POLK: variants seen among roughly 807,000 people sequenced by gnomAD.
The protein encoded by POLK is polymerase (DNA directed) kappa.
In POLK, 76 loss-of-function variants were observed where a neutral mutation model predicts 94.0. That is an observed-to-expected ratio of 0.81 (90% CI 0.67 to 0.98). POLK has a LOEUF of 0.98. POLK is among the 50% of genes least tolerant of loss of function. The pLI is 0.00. For missense variants in POLK, 954 were observed against 1,010.1 expected (o/e 0.94, Z 0.75); for synonymous variants, 349 against 325.4 (o/e 1.07, Z -0.78).
chr5:75,605,424 A>G (rs375210692), downstream of POLK, among the ~76,000 whole-genome samples: 1 of 152,146 alleles, frequency 6.6e-6, no homozygotes. Flanking sequence ...ATTGGAGACA[A>G]AAAGGAAAAA....
At chr5:75,518,721 C>A (rs755858304) in intron 1 of POLK, among the ~76,000 whole-genome samples, 1 of 152,108 alleles carries the variant, frequency 6.6e-6, no homozygotes, top group Non-Finnish European at 1.5e-5. Flanking sequence ...TATTTGAAAT[C>A]TTTCTCCTTT....
At chr5:75,528,481 A>C (rs1768977200) in intron 1 of POLK, among the ~76,000 whole-genome samples, 1 of 152,110 alleles carries the variant, frequency 6.6e-6, no homozygotes, top group South Asian at 2.1e-4. Flanking sequence ...AGCAAGCATG[A>C]ACTTTTATCA....
At chr5:75,573,934 G>A in intron 5 of POLK, 65 bp downstream of exon 5, 3 of 1,530,348 alleles carry the variant, frequency 2.0e-6, no homozygotes, top group Non-Finnish European at 2.7e-6. Flanking sequence ...AGAATCTCAA[G>A]TCCAAGTGCC....
At chr5:75,543,279 A>G (rs1029416092) in intron 1 of POLK, among the ~76,000 whole-genome samples, 1 of 151,920 alleles carries the variant, frequency 6.6e-6, no homozygotes, top group Non-Finnish European at 1.5e-5. Flanking sequence ...ATTTCAGGTG[A>G]TCCACCCACC....
intron 2 of POLK, among the ~76,000 whole-genome samples, chr5:75,550,109 G>A (rs997953572): frequency 1.3e-5 from 2 of 152,104 alleles, no homozygotes; most frequent in Non-Finnish European, 2.9e-5. Context: ...GAGAAGGATG[G>A]AACACTTCCC....
the POLK span, chr5:75,608,692 C>G: frequency 6.6e-6 from 1 of 152,088 alleles, no homozygotes; most frequent in Non-Finnish European, 1.5e-5. Context: ...GACATTTAAC[C>G]TGAAACCTTA....
chr5:75,527,502 T>TATACACACACACACACAC (rs555220325), intron 1 of POLK, among the ~76,000 whole-genome samples: 1 of 132,980 alleles, frequency 7.5e-6, no homozygotes, highest in African/African-American at 2.9e-5. Context: ...AATTTATATA[T>TATACACACACACACACAC]ACACACACAC....
chr5:75,593,071 AT>A (rs1229647378), intron 11 of POLK, among the ~76,000 whole-genome samples: 6 of 152,142 alleles, frequency 3.9e-5, no homozygotes, highest in African/African-American at 1.4e-4. Flanking sequence ...ACAAAATAAA[AT>A]GGGATTTTAG....
At chr5:75,539,290 G>A (rs559080182) in intron 1 of POLK, among the ~76,000 whole-genome samples, 2 of 151,628 alleles carry the variant, frequency 1.3e-5, no homozygotes, top group African/African-American at 4.8e-5. Context: ...AAGTCCCGAA[G>A]CAGTATTTTT....
chr5:75,513,705 T>A (rs1480529749), intron 1 of POLK, among the ~76,000 whole-genome samples: 2 of 152,116 alleles, frequency 1.3e-5, no homozygotes, highest in Non-Finnish European at 2.9e-5. Context: ...CTTGTTAGAG[T>A]AGTTGGTATT....
At chr5:75,562,014 A>T (rs557393342) in intron 3 of POLK, among the ~76,000 whole-genome samples, 5 of 152,114 alleles carry the variant, frequency 3.3e-5, no homozygotes, top group Non-Finnish European at 7.4e-5. Flanking sequence ...TCTATATGAA[A>T]TTTAAAGTAG....
intron 1 of POLK, among the ~76,000 whole-genome samples, chr5:75,541,810 C>G (rs181129897): frequency 2.6e-5 from 4 of 152,074 alleles, no homozygotes; most frequent in Non-Finnish European, 5.9e-5. Flanking sequence ...TTTTGTCATA[C>G]AAAAATTGTG....
At position 75,565,836 on chromosome 5, in the gene POLK, T is replaced by A. The variant is rs555461799; in HGVS notation, c.256-3504T>A. 3.9e-5 allele frequency among the ~76,000 whole-genome samples: 6 copies of A among 152,268 alleles called. No individual in the cohort carries two copies. The South Asian group carries it at 1.2e-3, about 32-fold the overall frequency. ...TGTCAACCCCTGCCATCAGGAGGCA[T>A]TGGGGTCAGGCACCCACTTGAGGAG... On this transcript the variant is annotated intron_variant, in intron 3 of 14. Coordinates refer to ENST00000241436, the Ensembl canonical transcript of POLK.
intron 3 of POLK, among the ~76,000 whole-genome samples, chr5:75,558,777 A>C (rs939284904): frequency 6.6e-6 from 1 of 152,194 alleles, no homozygotes; most frequent in Non-Finnish European, 1.5e-5. Flanking sequence ...TTAATCCTTA[A>C]GCAACGTACT....
At chr5:75,545,832 CAT>C (rs1769991291) in intron 1 of POLK, among the ~76,000 whole-genome samples, 1 of 152,160 alleles carries the variant, frequency 6.6e-6, no homozygotes, top group Admixed American at 6.5e-5. Flanking sequence ...GGTTCCAACA[CAT>C]GTGTTGCCAC....
chr5:75,547,122 G>T lies in POLK; in HGVS notation c.100G>T (p.Glu34Ter). 1 of 1,547,086 alleles carries T rather than the reference G, an allele frequency of 6.5e-7. No homozygotes were observed. Among genetic ancestry groups the T allele is most frequent in the Non-Finnish European group, 8.8e-7 (1 of 1,132,852 alleles). Residue 34 changes from glutamate (E) to a stop codon, truncating the protein, a stop_gained, in exon 2 of 15, where the codon GAG (glutamate) becomes TAG (stop). Coordinates refer to ENST00000241436, the Ensembl canonical transcript of POLK. LOFTEE classifies it high-confidence loss of function. ...AGCAGGAATGGAAGGATTAGATAAAGAGAAAATTAACAAAATTATAATGGA... is the reference window on the plus strand; with the variant it reads ...AGCAGGAATGGAAGGATTAGATAAATAGAAAATTAACAAAATTATAATGGA...
intron 3 of POLK, among the ~76,000 whole-genome samples, chr5:75,561,606 C>T (rs1247946577): frequency 6.6e-6 from 1 of 152,094 alleles, no homozygotes; most frequent in African/African-American, 2.4e-5. Flanking sequence ...AATGGTATTG[C>T]CTAGGTTTTC....
intron 3 of POLK, among the ~76,000 whole-genome samples, chr5:75,569,005 G>A (rs1200740799): frequency 6.6e-6 from 1 of 152,170 alleles, no homozygotes; most frequent in Admixed American, 6.5e-5. Flanking sequence ...TAAGGGTATG[G>A]AGAGATGAAA....
At chr5:75,583,330 T>C (rs1772299472) in exon 8 of POLK, 3 of 1,605,240 alleles carry the variant, frequency 1.9e-6, no homozygotes, top group African/African-American at 2.7e-5. Context: ...AAGTATGCAG[T>C]GATAAGAATA....
Sources: allele counts gnomAD v4.1 joint callset (sites outside exome capture counted in the v4.1 genomes callset), GRCh38; gene constraint gnomAD v4.1.1; transcripts MANE v1.5; gene names NCBI Gene and HGNC (gene_info 2026-07-23, HGNC 2026-07-21).